HMBOX1: variants seen among roughly 807,000 people sequenced by gnomAD.
The protein encoded by HMBOX1 is homeobox-containing protein 1.
A neutral mutation model predicts 54.5 loss-of-function variants in HMBOX1; 14 were observed. The observed-to-expected ratio is 0.26, with a 90% CI of 0.17 to 0.40. HMBOX1 has a LOEUF of 0.40. Among genes scored for constraint, HMBOX1 ranks in the 10% least tolerant of loss-of-function variants. The pLI, the probability that HMBOX1 is intolerant of heterozygous loss-of-function variation, is 1.00. For missense variants in HMBOX1, 332 were observed against 514.4 expected, an observed-to-expected ratio of 0.65 and a Z score of 3.43; for synonymous variants, 160 against 181.0, an observed-to-expected ratio of 0.88 and a Z score of 0.93.
chr8:29,047,370 C>T lies in HMBOX1; in HGVS notation c.947C>T (p.Ser316Leu), dbSNP rs1805723741. 4.4e-6 allele frequency: 7 copies of T among 1,603,682 alleles called. No homozygotes were observed. The highest frequency in any genetic ancestry group is 1.7e-5 in the Admixed American group (1 of 59,900). The stretch of plus-strand genomic sequence containing the variant: ...CATGTATTCACAGGCAAAAAGCTGT[C>T]AGATCTGGAAAGAGTTACCTCCCTG... ...AVIQKPGKKLSDLERVTSLKV... is the reference protein window; with the variant it reads ...AVIQKPGKKLLDLERVTSLKV... The change falls in exon 8 of 10, where the codon TCA becomes TTA. Residue 316 changes from serine to leucine, a missense_variant. This residue lies in a region of HMBOX1 where 117 missense variants were observed against 220.0 expected (regional missense o/e 0.53). Transcript: ENST00000287701.
At chr8:28,998,959 A>C (rs1436145079) in intron 4 of HMBOX1, among the ~76,000 whole-genome samples, 1 of 152,132 alleles carries the variant, frequency 6.6e-6, no homozygotes, top group Admixed American at 6.5e-5. Context: ...GTGCCCATCA[A>C]CTTAGATTAT....
At chr8:29,008,216 C>T (rs1833744340) in intron 4 of HMBOX1, among the ~76,000 whole-genome samples, 1 of 152,086 alleles carries the variant, frequency 6.6e-6, no homozygotes, top group Non-Finnish European at 1.5e-5. Context: ...CTTGCTTTTG[C>T]CAGTTTGTAC....
At chr8:29,011,033 A>G (rs907979591) in intron 5 of HMBOX1, among the ~76,000 whole-genome samples, 22 of 152,234 alleles carry the variant, frequency 1.4e-4, no homozygotes, top group Non-Finnish European at 2.9e-4. Context: ...ATTTTAGGCA[A>G]GATTACTTCA....
chr8:28,928,161 C>A (rs1301945463), intron 1 of HMBOX1, among the ~76,000 whole-genome samples: 2 of 151,780 alleles, frequency 1.3e-5, no homozygotes, highest in Non-Finnish European at 1.5e-5. Context: ...ACTACTACTA[C>A]CATAAACAAC....
At chr8:29,012,887 TA>T (rs1307659151) in intron 5 of HMBOX1, among the ~76,000 whole-genome samples, 4 of 152,226 alleles carry the variant, frequency 2.6e-5, no homozygotes, top group African/African-American at 9.6e-5. Context: ...TTTTATCAAG[TA>T]ATTCTTTTAT....
chr8:29,034,441 T>C (rs1430327496), intron 6 of HMBOX1, among the ~76,000 whole-genome samples: 1 of 152,248 alleles, frequency 6.6e-6, no homozygotes, highest in Non-Finnish European at 1.5e-5. Flanking sequence ...CTCTGCAGTG[T>C]GACTGTGAAG....
intron 4 of HMBOX1, among the ~76,000 whole-genome samples, chr8:28,989,339 A>C (rs1830626586): frequency 6.6e-6 from 1 of 151,884 alleles, no homozygotes. Flanking sequence ...TTTCCTCTGT[A>C]AGTTTTATAG....
intron 6 of HMBOX1, among the ~76,000 whole-genome samples, chr8:29,044,393 A>G (rs2133348804): frequency 2.0e-5 from 3 of 152,340 alleles, no homozygotes; most frequent in Middle Eastern, 6.8e-3. Flanking sequence ...CTGAAAAAGT[A>G]GCACTAATAA....
At chr8:28,894,552 TAGTA>T (rs906830215) in intron 1 of HMBOX1, among the ~76,000 whole-genome samples, 6 of 152,224 alleles carry the variant, frequency 3.9e-5, no homozygotes, top group African/African-American at 9.7e-5. Flanking sequence ...CTCAAAATAT[TAGTA>T]AGTAAGACGT....
At chr8:28,899,598 AC>A (rs1346853869) in intron 1 of HMBOX1, among the ~76,000 whole-genome samples, 6 of 152,244 alleles carry the variant, frequency 3.9e-5, no homozygotes, top group Non-Finnish European at 7.3e-5. Context: ...GAATTGACAT[AC>A]TGGGTCAATC....
chr8:28,904,168 T>G (rs1351117708), intron 1 of HMBOX1, among the ~76,000 whole-genome samples: 8 of 149,352 alleles, frequency 5.4e-5, no homozygotes, highest in Non-Finnish European at 1.0e-4. Context: ...TGATTTCCAG[T>G]TTTTTTTTTA....
chr8:28,976,744 T>A (rs1399472967), intron 3 of HMBOX1, among the ~76,000 whole-genome samples: 1 of 150,876 alleles, frequency 6.6e-6, no homozygotes, highest in African/African-American at 2.4e-5. Context: ...TCTCACTTTG[T>A]CACCCAGGTT....
intron 7 of HMBOX1, 89 bp downstream of exon 7, chr8:29,045,532 T>G: frequency 2.0e-6 from 2 of 1,005,636 alleles, no homozygotes; most frequent in Non-Finnish European, 3.1e-6. Flanking sequence ...TATGCGTGCC[T>G]TGGCATGGTG....
At chr8:28,954,892 TA>T (rs1477657153) in intron 1 of HMBOX1, among the ~76,000 whole-genome samples, 1 of 152,186 alleles carries the variant, frequency 6.6e-6, no homozygotes, top group Non-Finnish European at 1.5e-5. Context: ...CCTTATACAG[TA>T]ATTACTTTTT....
chr8:29,004,720 G>GT (rs1188721870), intron 4 of HMBOX1, among the ~76,000 whole-genome samples: 2 of 152,164 alleles, frequency 1.3e-5, no homozygotes, highest in African/African-American at 4.8e-5. Context: ...GACAAGATAG[G>GT]TTTTGAGGAA....
At position 28,929,846 on chromosome 8, in the gene HMBOX1, G is replaced by A. The variant is rs113441047; in HGVS notation, c.-57-33965G>A. Among the ~76,000 whole-genome samples, 419 of 152,134 alleles carry A rather than the reference G, an allele frequency of 2.8e-3. 4 individuals are homozygous for A. Among genetic ancestry groups the A allele is most frequent in the African/African-American group, 9.3e-3 (384 of 41,482 alleles). On this transcript the variant is annotated intron_variant, in intron 1 of 9. Coordinates refer to ENST00000287701, the MANE Select transcript of HMBOX1 (RefSeq NM_001135726.3). The stretch of plus-strand genomic sequence containing the variant: ...TCTTGATCCTTTTTACTGTACCTCT[G>A]TGTACAATTCAGTAGCATTTAGTGT...
At chr8:28,904,548 T>G (rs899091418) in intron 1 of HMBOX1, among the ~76,000 whole-genome samples, 2 of 152,150 alleles carry the variant, frequency 1.3e-5, no homozygotes, top group African/African-American at 4.8e-5. Context: ...CCCAAATCTT[T>G]TACAGTAGTC....
At chr8:29,017,244 ACTT>A (rs1835172729) in intron 5 of HMBOX1, among the ~76,000 whole-genome samples, 1 of 152,170 alleles carries the variant, frequency 6.6e-6, no homozygotes, top group South Asian at 2.1e-4. Context: ...GGTTAGTCAG[ACTT>A]CTTATATGGC....
At chr8:28,918,569 A>T (rs1403390301) in intron 1 of HMBOX1, among the ~76,000 whole-genome samples, 1 of 152,182 alleles carries the variant, frequency 6.6e-6, no homozygotes, top group East Asian at 1.9e-4. Flanking sequence ...TACTGAATTT[A>T]TGGACATAGA....
Sources: gnomAD v4.1 joint callset for allele counts (sites outside exome capture counted in the v4.1 genomes callset) on GRCh38, gnomAD v4.1.1 for gene constraint, gnomAD v4.1.1 regional missense constraint, MANE v1.5 for transcripts, NCBI Gene and HGNC (gene_info 2026-07-23, HGNC 2026-07-21) for gene names.